The following NAV2 variants were observed in gnomAD, a reference collection of about 807,000 sequenced individuals.
The protein encoded by NAV2 is helicase, APC down-regulated 1.
A neutral mutation model predicts 223.2 loss-of-function variants in NAV2; 54 were observed. That is an observed-to-expected ratio of 0.24 (90% CI 0.19 to 0.30). The LOEUF (loss-of-function observed/expected upper bound fraction) is 0.30, where lower values mean the gene tolerates loss of function less well. Ranked by LOEUF, NAV2 falls within the 10% of genes least tolerant of loss-of-function variation. The pLI is 1.00. For missense variants in NAV2, 2,806 were observed against 3,147.5 expected (o/e 0.89, Z 2.60); for synonymous variants, 1,279 against 1,239.3 (o/e 1.03, Z -0.67).
At chr11:20,107,872 C>G (rs368418072) in intron 36 of NAV2, 90 bp downstream of exon 36, 138 of 890,590 alleles carry the variant, frequency 1.5e-4, no homozygotes, top group African/African-American at 1.1e-3. Context: ...CTCCAGGAAT[C>G]TGACTGACAT....
chr11:19,441,514 A>G (rs1314563949), intron 1 of NAV2, among the ~76,000 whole-genome samples: 1 of 152,080 alleles, frequency 6.6e-6, no homozygotes, highest in Admixed American at 6.5e-5. Context: ...AGATAGCAGT[A>G]AGAGCATGAA....
chr11:19,780,880 TTTTGTTTG>T (rs988549132), intron 1 of NAV2, among the ~76,000 whole-genome samples: 119 of 152,246 alleles, frequency 7.8e-4, no homozygotes, highest in African/African-American at 2.5e-3. Context: ...CAGGACTGTT[TTTTGTTTG>T]TTTGTTTGTT....
chr11:19,759,235 G>A (rs896414206), intron 1 of NAV2, among the ~76,000 whole-genome samples: 18 of 151,170 alleles, frequency 1.2e-4, no homozygotes, highest in Admixed American at 6.6e-4. Flanking sequence ...GGGGCACGCC[G>A]CCATGCCCGG....
intron 2 of NAV2, among the ~76,000 whole-genome samples, chr11:19,833,036 G>T (rs971050930): frequency 6.6e-6 from 1 of 152,198 alleles, no homozygotes; most frequent in Admixed American, 6.5e-5. Context: ...CAAATCAAAG[G>T]CTAAGACTCC....
chr11:19,471,271 G>C (rs1345281310), intron 1 of NAV2, among the ~76,000 whole-genome samples: 2 of 152,106 alleles, frequency 1.3e-5, no homozygotes, highest in Non-Finnish European at 2.9e-5. Flanking sequence ...AACTTCCCAA[G>C]TCTCCATTTA....
At chr11:19,727,671 C>A (rs1477141189) in intron 1 of NAV2, among the ~76,000 whole-genome samples, 3 of 152,236 alleles carry the variant, frequency 2.0e-5, no homozygotes, top group African/African-American at 7.2e-5. Flanking sequence ...CTGAATTAGG[C>A]TGCTTGATGA....
rs982907414 is a variant in NAV2 at position 19,366,811 on chromosome 11, T to G, written c.75+15784T>G. On this transcript the variant is annotated intron_variant, in intron 1 of 37. Coordinates refer to the NAV2 transcript ENST00000360655. ...CACTGAGAATGTGCATAGTGAGATCTGGACACATGGCAGCCACTTGCTGTC... is the reference window on the plus strand; with the variant it reads ...CACTGAGAATGTGCATAGTGAGATCGGGACACATGGCAGCCACTTGCTGTC... 4.6e-5 allele frequency among the ~76,000 whole-genome samples: 7 copies of G among 152,314 alleles called. No individual in the cohort carries two copies. The East Asian group carries it at 1.3e-3, about 29-fold the overall frequency.
chr11:19,901,258 C>T (rs2042424771), intron 6 of NAV2, among the ~76,000 whole-genome samples: 1 of 152,170 alleles, frequency 6.6e-6, no homozygotes, highest in African/African-American at 2.4e-5. Flanking sequence ...TAAAAGAGAA[C>T]ACTGCCTGCC....
intron 1 of NAV2, among the ~76,000 whole-genome samples, chr11:19,783,662 C>G (rs895113380): frequency 1.3e-5 from 2 of 152,176 alleles, no homozygotes; most frequent in African/African-American, 4.8e-5. Context: ...CCTCCTAGCT[C>G]TGCCAATGAT....
intron 1 of NAV2, among the ~76,000 whole-genome samples, chr11:19,740,740 C>T (rs898473403): frequency 9.2e-5 from 14 of 152,084 alleles, no homozygotes; most frequent in Non-Finnish European, 8.8e-5. Context: ...TACTGTATCT[C>T]GGGCATGTTA....
chr11:19,427,237 G>A (rs1474191590), intron 1 of NAV2, among the ~76,000 whole-genome samples: 2 of 152,218 alleles, frequency 1.3e-5, no homozygotes, highest in Admixed American at 1.3e-4. Flanking sequence ...TGCAGAAAGA[G>A]GATGGCAATA....
At chr11:19,599,741 A>G (rs2046304158) in intron 1 of NAV2, among the ~76,000 whole-genome samples, 1 of 152,164 alleles carries the variant, frequency 6.6e-6, no homozygotes, top group Non-Finnish European at 1.5e-5. Context: ...ATCTTTTTGA[A>G]GTGTCAGGTG....
intron 11 of NAV2, among the ~76,000 whole-genome samples, chr11:20,015,817 C>T (rs989270909): frequency 2.6e-5 from 4 of 152,094 alleles, no homozygotes; most frequent in African/African-American, 9.7e-5. Context: ...TGGACCAAAC[C>T]CAAAAGTATT....
rs140214297 is a variant in NAV2 at position 19,374,119 on chromosome 11, C to G, written c.75+23092C>G. Among the ~76,000 whole-genome samples the G allele has an allele frequency of 1.3e-4, 20 of 152,264 alleles. No individual in the cohort carries two copies. In the East Asian group the frequency reaches 3.7e-3, roughly 28 times the overall value. The stretch of plus-strand genomic sequence containing the variant: ...GTTATCATGACCATAATTTACCACA[C>G]GTATCACCAGTCTTGTTTTCTCTTT... On this transcript the variant is annotated intron_variant, in intron 1 of 37. Coordinates refer to the NAV2 transcript ENST00000360655.
At chr11:19,569,473 T>A (rs115002874) in intron 1 of NAV2, among the ~76,000 whole-genome samples, 5 of 152,196 alleles carry the variant, frequency 3.3e-5, no homozygotes, top group African/African-American at 1.2e-4. Context: ...CCATAAAATT[T>A]TTTTAGTGAA....
intron 1 of NAV2, among the ~76,000 whole-genome samples, chr11:19,787,823 A>C (rs1223620950): frequency 1.3e-5 from 2 of 152,148 alleles, no homozygotes; most frequent in Admixed American, 1.3e-4. Flanking sequence ...GTCATAAATA[A>C]GGTGAATGGC....
intron 3 of NAV2, among the ~76,000 whole-genome samples, chr11:19,849,620 G>C (rs1158461716): frequency 2.0e-5 from 3 of 152,210 alleles, no homozygotes; most frequent in African/African-American, 7.2e-5. Flanking sequence ...CAGAAAGCCG[G>C]CCACATGCCT....
At chr11:19,516,288 T>G (rs990130322) in intron 1 of NAV2, among the ~76,000 whole-genome samples, 1 of 152,194 alleles carries the variant, frequency 6.6e-6, no homozygotes, top group Non-Finnish European at 1.5e-5. Context: ...GCCAATGGTG[T>G]AGTATTGAAG....
chr11:19,467,676 G>T (rs544438927), intron 1 of NAV2, among the ~76,000 whole-genome samples: 1 of 152,300 alleles, frequency 6.6e-6, no homozygotes, highest in East Asian at 1.9e-4. Context: ...GATCTGGGGC[G>T]AATCAGAATG....
Sources: allele counts gnomAD v4.1 joint callset (sites outside exome capture counted in the v4.1 genomes callset), GRCh38; gene constraint gnomAD v4.1.1; transcripts MANE v1.5; gene names NCBI Gene and HGNC (gene_info 2026-07-23, HGNC 2026-07-21).